The following MED12L variants were observed in gnomAD, a reference collection of about 807,000 sequenced individuals.
MED12L encodes mediator of RNA polymerase II transcription subunit 12-like protein.
In MED12L, 60 loss-of-function variants were observed where a neutral mutation model predicts 281.3. The ratio of observed to expected loss-of-function variants is 0.21; its 90% confidence interval spans 0.17 to 0.26. The LOEUF is 0.26. Ranked by LOEUF, MED12L falls within the 10% of genes least tolerant of loss-of-function variation. The pLI is 1.00. For missense variants in MED12L, 2,146 were observed against 2,680.9 expected (o/e 0.80, Z 4.41); for synonymous variants, 974 against 987.2 (o/e 0.99, Z 0.25).
chr3:151,366,771 A>G (rs192593722), intron 23 of MED12L, among the ~76,000 whole-genome samples: 22 of 152,330 alleles, frequency 1.4e-4, no homozygotes, highest in Admixed American at 5.2e-4. Context: ...AGACTTAAGA[A>G]TTTATGTATA....
In MED12L at chr3:151,411,306, G is replaced by C; in HGVS notation, c.5939G>C (p.Gly1980Ala). The C allele has an allele frequency of 6.2e-7, 1 of 1,614,196 alleles. No homozygotes were observed. The change falls in exon 41 of 45, where the codon GGG (glycine) becomes GCG (alanine). Residue 1980 changes from glycine (G) to alanine (A), a missense_variant. Gly to Ala is a moderately conservative substitution (Grantham distance 60). Transcript: ENST00000687756. ...QTMPQGYTMYGTQMPLQQTSQ... is the reference protein window; with the variant it reads ...QTMPQGYTMYATQMPLQQTSQ... Reference sequence around the variant, plus strand: ...ATGCCACAGGGCTATACAATGTATGGGACACAGATGCCTTTGCAGCAGACA... The same window carrying C: ...ATGCCACAGGGCTATACAATGTATGCGACACAGATGCCTTTGCAGCAGACA...
At chr3:151,380,071 T>C (rs1711981217) in intron 31 of MED12L, 42 bp from the exon 32 acceptor site, 1 of 1,244,782 alleles carries the variant, frequency 8.0e-7, no homozygotes, top group African/African-American at 1.5e-5. Flanking sequence ...AGTAATGCAT[T>C]ATTTCTAACT....
chr3:151,292,802 A>C (rs896321617), intron 16 of MED12L, among the ~76,000 whole-genome samples: 1 of 152,074 alleles, frequency 6.6e-6, no homozygotes, highest in Non-Finnish European at 1.5e-5. Context: ...CTCCTCCTCT[A>C]TATATATACG....
At chr3:151,125,195 G>A (rs907292389) in intron 4 of MED12L, among the ~76,000 whole-genome samples, 1 of 152,100 alleles carries the variant, frequency 6.6e-6, no homozygotes, top group African/African-American at 2.4e-5. Context: ...CAATATAAAC[G>A]TATTTTTCTT....
At chr3:151,240,918 C>T (rs552848401) in intron 16 of MED12L, among the ~76,000 whole-genome samples, 1 of 152,290 alleles carries the variant, frequency 6.6e-6, no homozygotes, top group South Asian at 2.1e-4. Flanking sequence ...GTCATCTTGC[C>T]TGAATCACTG....
intron 38 of MED12L, among the ~76,000 whole-genome samples, chr3:151,391,629 T>A: frequency 6.6e-6 from 1 of 152,124 alleles, no homozygotes. Flanking sequence ...TTTAAGAACG[T>A]TTACAAATTT....
chr3:151,327,498 A>G (rs530959531), intron 16 of MED12L: 1 of 152,252 alleles, frequency 6.6e-6, no homozygotes, highest in South Asian at 2.1e-4. Flanking sequence ...TCAGTTCCTC[A>G]GACTCTTCAA....
chr3:151,416,101 G>A (rs1215456090), intron 42 of MED12L, among the ~76,000 whole-genome samples: 2 of 152,142 alleles, frequency 1.3e-5, no homozygotes, highest in African/African-American at 4.8e-5. Context: ...CGTAGGGTTG[G>A]GGTGGTCCTA....
rs936122499 is a variant in MED12L at position 151,434,302 on chromosome 3, C to A, written c.*1498C>A. Reference sequence around the variant, plus strand: ...ATTATCTATAAATAATTTATATCTTCCTGGGTGAGTTACTCATTGCAAAGT... The same window carrying A: ...ATTATCTATAAATAATTTATATCTTACTGGGTGAGTTACTCATTGCAAAGT... On this transcript the variant is annotated 3_prime_UTR_variant, in exon 45 of 45. Coordinates refer to ENST00000687756, the MANE Select transcript of MED12L (RefSeq NM_001393769.1). 2.0e-5 allele frequency: 3 copies of A among 152,056 alleles called. No homozygotes were observed. Among genetic ancestry groups the A allele is most frequent in the Non-Finnish European group, 4.4e-5 (3 of 68,026 alleles). The allele number at this position is 152,056 out of a possible 1,614,324, so 9.4% of individuals were successfully genotyped here.
chr3:151,206,768 C>A (rs1559877076), intron 16 of MED12L, among the ~76,000 whole-genome samples: 1 of 149,666 alleles, frequency 6.7e-6, no homozygotes, highest in Middle Eastern at 3.4e-3. Flanking sequence ...CCTCAGCCTC[C>A]CGAGTAGCTG....
chr3:151,148,551 T>A (rs1448874780), intron 5 of MED12L, among the ~76,000 whole-genome samples: 1 of 152,216 alleles, frequency 6.6e-6, no homozygotes, highest in Non-Finnish European at 1.5e-5. Flanking sequence ...GAAGGGGGTA[T>A]TATTGTAGTC....
intron 16 of MED12L, among the ~76,000 whole-genome samples, chr3:151,281,661 G>T (rs762501800): frequency 2.0e-5 from 3 of 151,940 alleles, no homozygotes; most frequent in Non-Finnish European, 4.4e-5. Context: ...ATTTCCTTTG[G>T]TGGAATCCTA....
intron 2 of MED12L, among the ~76,000 whole-genome samples, chr3:151,090,935 G>T (rs1308868692): frequency 6.6e-6 from 1 of 152,162 alleles, no homozygotes; most frequent in Non-Finnish European, 1.5e-5. Context: ...CAGCTACTTG[G>T]GAGGCTGAGG....
rs1755532855 is a variant in MED12L, at chr3:151,368,265, AG to A, written c.3550+15del. 6.2e-7 allele frequency: 1 copy of A among 1,605,574 alleles called. No homozygotes were observed. The highest frequency in any genetic ancestry group is 8.5e-7 in the Non-Finnish European group (1 of 1,172,282). On this transcript the variant is annotated intron_variant, in intron 25 of 44. Coordinates refer to ENST00000687756, the MANE Select transcript of MED12L (RefSeq NM_001393769.1). ...CTCAAGCAACGGGTGAGCTGACTGCAGAAAAATCTGATTACCTTTTCATTGG... is the reference window on the plus strand; with the variant it reads ...CTCAAGCAACGGGTGAGCTGACTGCAAAAAATCTGATTACCTTTTCATTGG...
At chr3:151,345,290 A>G (rs563663523) in intron 16 of MED12L, among the ~76,000 whole-genome samples, 2 of 152,324 alleles carry the variant, frequency 1.3e-5, no homozygotes, top group South Asian at 2.1e-4. Flanking sequence ...CTTGTCCAAC[A>G]ACTGTATCCT....
intron 5 of MED12L, among the ~76,000 whole-genome samples, chr3:151,129,047 T>G (rs1714955583): frequency 6.6e-6 from 1 of 152,220 alleles, no homozygotes; most frequent in Non-Finnish European, 1.5e-5. Context: ...GAGTTATATA[T>G]AAATATGACC....
At chr3:151,164,411 A>G (rs1281769505) in intron 9 of MED12L, among the ~76,000 whole-genome samples, 3 of 152,166 alleles carry the variant, frequency 2.0e-5, no homozygotes, top group Non-Finnish European at 4.4e-5. Context: ...GACTTGAACC[A>G]TAGGATTGTG....
intron 17 of MED12L, among the ~76,000 whole-genome samples, chr3:151,353,375 A>G (rs1348803638): frequency 2.0e-5 from 3 of 152,246 alleles, no homozygotes; most frequent in Non-Finnish European, 4.4e-5. Flanking sequence ...GCAAAATTTC[A>G]TACATAATTT....
Position 151,405,936 on chromosome 3 carries a change from G to C in MED12L, c.5821-3307G>C, listed in dbSNP as rs112594320. ...AAACATAAATCCTAATTTGCCTCTG[G>C]ATTTCTTGGTTAACAGATAAACTAA... is the stretch of plus-strand genomic sequence containing the variant. On this transcript the variant is annotated intron_variant, in intron 39 of 44. Transcript: ENST00000687756. Among the ~76,000 whole-genome samples, 893 of 152,288 alleles carry C rather than the reference G, an allele frequency of 5.9e-3. 8 individuals are homozygous for C. The highest frequency in any genetic ancestry group is 0.023 in the South Asian group (113 of 4,818).
Sources: allele counts gnomAD v4.1 joint callset (sites outside exome capture counted in the v4.1 genomes callset), GRCh38; gene constraint gnomAD v4.1.1; transcripts MANE v1.5; gene names NCBI Gene and HGNC (gene_info 2026-07-23, HGNC 2026-07-21).